SESN3: variants seen among roughly 807,000 people sequenced by gnomAD.
SESN3 encodes the protein sestrin 3.
A neutral mutation model predicts 55.3 loss-of-function variants in SESN3; 21 were observed. The ratio of observed to expected loss-of-function variants is 0.38; its 90% CI spans 0.27 to 0.55. The LOEUF (loss-of-function observed/expected upper bound fraction) is 0.55. Among genes scored for constraint, SESN3 ranks in the 20% least tolerant of loss-of-function variants. The pLI is 0.76. For missense variants in SESN3, 408 were observed against 604.3 expected (o/e 0.68, Z 3.41); for synonymous variants, 181 against 203.1 (o/e 0.89, Z 0.93).
At chr11:95,203,383 CT>C (rs1860492810) in intron 1 of SESN3, among the ~76,000 whole-genome samples, 1 of 152,080 alleles carries the variant, frequency 6.6e-6, no homozygotes, top group African/African-American at 2.4e-5. Context: ...AACTCATGTT[CT>C]CATTTAAATT....
chr11:95,188,618 C>A (rs1281603487), intron 4 of SESN3, among the ~76,000 whole-genome samples: 3 of 151,872 alleles, frequency 2.0e-5, no homozygotes, highest in Admixed American at 2.0e-4. Flanking sequence ...ATACTCTATT[C>A]TTTCTTTGAA....
chr11:95,217,316 AG>A (rs951143680), intron 1 of SESN3, among the ~76,000 whole-genome samples: 1 of 152,162 alleles, frequency 6.6e-6, no homozygotes, highest in African/African-American at 2.4e-5. Flanking sequence ...AGAGTTAGTC[AG>A]GGGACTCCCT....
intron 4 of SESN3, among the ~76,000 whole-genome samples, chr11:95,187,107 T>C (rs1860182972): frequency 2.6e-5 from 4 of 151,990 alleles, no homozygotes. Context: ...TATCAACAGA[T>C]GTATATAACT....
Position 95,178,813 on chromosome 11 carries a change from A to G in SESN3, c.953T>C (p.Met318Thr). 5.0e-6 allele frequency: 8 copies of G among 1,595,720 alleles called. No individual in the cohort carries two copies. Among genetic ancestry groups the G allele is most frequent in the Non-Finnish European group, 6.0e-6 (7 of 1,163,540 alleles). The change falls in exon 7 of 10, where the codon ATG becomes ACG. Residue 318 changes from methionine to threonine, a missense_variant. Transcript: ENST00000536441. ...TCGAGAGACATCAGATGTTATAATCATGTCATCCTCAAAATCTAAGGACAA... is the reference window on the plus strand; with the variant it reads ...TCGAGAGACATCAGATGTTATAATCGTGTCATCCTCAAAATCTAAGGACAA... ...SFPHSDFEDD[M>T]IITSDVSRYI...
chr11:95,205,099 C>T lies in SESN3; in HGVS notation c.79-11577G>A, dbSNP rs372281871. Among the ~76,000 whole-genome samples, 10 of 152,198 alleles carry T rather than the reference C, an allele frequency of 6.6e-5. 2 individuals are homozygous for T. In the East Asian group the frequency reaches 9.7e-4, roughly 15 times the overall value. ...AAGGATAGTTAAGTCTATGTGGATACAACAATACCAGTAAAAAGAAATATA... is the reference window on the plus strand; with the variant it reads ...AAGGATAGTTAAGTCTATGTGGATATAACAATACCAGTAAAAAGAAATATA... On this transcript the variant is annotated intron_variant, in intron 1 of 9. Coordinates refer to ENST00000536441, the MANE Select transcript of SESN3 (RefSeq NM_144665.4).
intron 1 of SESN3, among the ~76,000 whole-genome samples, chr11:95,206,199 T>C (rs1040630588): frequency 6.6e-6 from 1 of 152,142 alleles, no homozygotes; most frequent in Non-Finnish European, 1.5e-5. Context: ...AAGTGTTCTA[T>C]CTTAATGACT....
chr11:95,189,647 A>T (rs1439077702), intron 4 of SESN3, 132 bp downstream of exon 4: 4 of 551,234 alleles, frequency 7.3e-6, no homozygotes, highest in Non-Finnish European at 1.2e-5. Flanking sequence ...GCTTAAATTA[A>T]ACTGACTTTC....
chr11:95,195,877 C>A (rs1321447817), intron 1 of SESN3, among the ~76,000 whole-genome samples: 1 of 152,168 alleles, frequency 6.6e-6, no homozygotes, highest in East Asian at 1.9e-4. Context: ...ACTTAACTCA[C>A]TAATTTCAAA....
At chr11:95,193,797 A>G (rs1425014493) in intron 1 of SESN3, among the ~76,000 whole-genome samples, 1 of 152,110 alleles carries the variant, frequency 6.6e-6, no homozygotes, top group African/African-American at 2.4e-5. Flanking sequence ...CTTTAAGCCC[A>G]CATCTGACAT....
intron 1 of SESN3, among the ~76,000 whole-genome samples, chr11:95,220,920 A>G (rs980622324): frequency 6.6e-6 from 1 of 152,208 alleles, no homozygotes; most frequent in Admixed American, 6.5e-5. Flanking sequence ...CTTGAATGTG[A>G]TAACATATGT....
chr11:95,207,142 T>C (rs183384773), intron 1 of SESN3, among the ~76,000 whole-genome samples: 1 of 127,730 alleles, frequency 7.8e-6, no homozygotes. Context: ...CACTAGGCAT[T>C]CTAAGTTTAA....
chr11:95,169,586 C>A lies in SESN3; in HGVS notation c.*3669G>T, dbSNP rs1255369649. On this transcript the variant is annotated 3_prime_UTR_variant, in exon 10 of 10. Coordinates refer to ENST00000536441, the MANE Select transcript of SESN3 (RefSeq NM_144665.4). ...AACACCTTATTTTGCTAACACAGTG[C>A]AAATCATTTTTATAATATGCACTGA... The A allele has an allele frequency of 1.3e-5, 2 of 152,088 alleles. No individual in the cohort carries two copies. Among genetic ancestry groups the A allele is most frequent in the East Asian group, 3.9e-4 (2 of 5,184 alleles). 9.4% of individuals were successfully genotyped at this position (152,088 alleles called of 1,614,324 possible).
chr11:95,187,421 T>C (rs1430736512), intron 4 of SESN3, among the ~76,000 whole-genome samples: 1 of 151,920 alleles, frequency 6.6e-6, no homozygotes, highest in Non-Finnish European at 1.5e-5. Flanking sequence ...CTTTTAAAAA[T>C]TCATTACAAT....
chr11:95,221,865 G>A (rs1047072191), intron 1 of SESN3, among the ~76,000 whole-genome samples: 3 of 152,096 alleles, frequency 2.0e-5, no homozygotes, highest in Non-Finnish European at 4.4e-5. Context: ...TCACTTCTGC[G>A]TGGATCTAAA....
Position 95,189,823 on chromosome 11 carries a change from G to T in SESN3, c.481C>A (p.Leu161Met). ...ATCAGCCAAGGTCGATGTGCTAGCA[G>T]CTTATTAATTTCATTAAGATTTTTC... ...RLKNLNEINKLLAHRPWLITK... is the reference protein window; with the variant it reads ...RLKNLNEINKMLAHRPWLITK... The change falls in exon 4 of 10, where the codon CTG becomes ATG. Residue 161 changes from leucine (L) to methionine (M), a missense_variant. Physicochemically the swap from Leu to Met is conservative, Grantham distance 15. This residue lies in a region of SESN3 where 107 missense variants were observed against 211.3 expected (regional missense o/e 0.51). Coordinates refer to ENST00000536441, the MANE Select transcript of SESN3 (RefSeq NM_144665.4). The T allele has an allele frequency of 6.2e-7, 1 of 1,611,444 alleles. No individual in the cohort carries two copies. The highest frequency in any genetic ancestry group is 8.5e-7 in the Non-Finnish European group (1 of 1,178,530).
chr11:95,189,711 C>T, intron 4 of SESN3, 68 bp downstream of exon 4: 8 of 1,101,500 alleles, frequency 7.3e-6, no homozygotes, highest in Middle Eastern at 2.1e-4. Flanking sequence ...TTCCAAGTTC[C>T]TAATATACAC....
intron 1 of SESN3, among the ~76,000 whole-genome samples, chr11:95,206,146 T>C (rs1459855421): frequency 6.6e-6 from 1 of 152,054 alleles, no homozygotes; most frequent in African/African-American, 2.4e-5. Context: ...ATAAACCTCA[T>C]AAAAGTGGTT....
rs2134204705 is a variant in SESN3, at chr11:95,169,929, A to G, written c.*3326T>C. 6.6e-6 allele frequency: 1 copy of G among 152,296 alleles called. No individual in the cohort carries two copies. The highest frequency in any genetic ancestry group is 1.5e-5 in the Non-Finnish European group (1 of 68,020). The allele number at this position is 152,296 out of a possible 1,614,324, so 9.4% of individuals were successfully genotyped here. Reference sequence around the variant, plus strand: ...GGATTCTTATATAAAACTTATATTGAGTTTTCTGTTGTAAAAACAGCCCTG... The same window carrying G: ...GGATTCTTATATAAAACTTATATTGGGTTTTCTGTTGTAAAAACAGCCCTG... On this transcript the variant is annotated 3_prime_UTR_variant, in exon 10 of 10. Coordinates refer to ENST00000536441, the MANE Select transcript of SESN3 (RefSeq NM_144665.4).
rs574227088 is a variant in SESN3, at chr11:95,209,485, G to A, written c.79-15963C>T. Among the ~76,000 whole-genome samples the A allele has an allele frequency of 5.3e-4, 80 of 151,542 alleles. 2 individuals carry two copies. Among genetic ancestry groups the A allele is most frequent in the African/African-American group, 1.4e-3 (59 of 41,354 alleles). On this transcript the variant is annotated intron_variant, in intron 1 of 9. Transcript: ENST00000536441. ...ATTAGTTCATCTATTGTGGAAGACCGTGTGGCGATTCCTCAAGGATCTAGA... is the reference window on the plus strand; with the variant it reads ...ATTAGTTCATCTATTGTGGAAGACCATGTGGCGATTCCTCAAGGATCTAGA...
Sources: gnomAD v4.1 joint callset for allele counts (sites outside exome capture counted in the v4.1 genomes callset) on GRCh38, gnomAD v4.1.1 for gene constraint, gnomAD v4.1.1 regional missense constraint, MANE v1.5 for transcripts, NCBI Gene and HGNC (gene_info 2026-07-23, HGNC 2026-07-21) for gene names.